Variants in SCHIP1 observed in about 807,000 individuals in gnomAD.
SCHIP1 encodes schwannomin interacting protein 1.
SCHIP1 carries 8 observed loss-of-function variants against 29.7 expected under a neutral mutation model. That is an observed-to-expected ratio of 0.27 (90% CI 0.16 to 0.49). The LOEUF (loss-of-function observed/expected upper bound fraction) is 0.49. Ranked by LOEUF, SCHIP1 falls within the 20% of genes least tolerant of loss-of-function variation. The pLI is 0.99. For missense variants in SCHIP1, 193 were observed against 294.6 expected (o/e 0.66, Z 2.52); for synonymous variants, 76 against 94.9 (o/e 0.80, Z 1.16).
the SCHIP1 span, among the ~76,000 whole-genome samples, chr3:159,427,430 T>C: frequency 6.6e-6 from 1 of 150,852 alleles, no homozygotes; most frequent in Non-Finnish European, 1.5e-5. Context: ...AAATCATGAG[T>C]GAACTCCCAT....
the SCHIP1 span, chr3:159,274,635 A>T: frequency 1.2e-6 from 1 of 826,056 alleles, no homozygotes; most frequent in Admixed American, 6.2e-5. Flanking sequence ...ATATTATTAT[A>T]TGACACAACC....
the SCHIP1 span, among the ~76,000 whole-genome samples, chr3:159,395,405 T>A: frequency 1.3e-5 from 2 of 152,190 alleles, no homozygotes; most frequent in South Asian, 4.1e-4. Flanking sequence ...CTTTTAATTG[T>A]GATGTTAGGG....
chr3:159,711,085 A>C, the SCHIP1 span, among the ~76,000 whole-genome samples: 1 of 152,194 alleles, frequency 6.6e-6, no homozygotes, highest in Admixed American at 6.5e-5. Flanking sequence ...TTCATTGTTC[A>C]GTAAAAACAG....
chr3:159,273,971 C>G, the SCHIP1 span: 2 of 1,550,004 alleles, frequency 1.3e-6, no homozygotes, highest in Non-Finnish European at 1.7e-6. Flanking sequence ...AACTAAGTAA[C>G]TTTAAATTTA....
At chr3:159,387,356 G>C in the SCHIP1 span, 1 of 386,858 alleles carries the variant, frequency 2.6e-6, no homozygotes, top group Non-Finnish European at 5.1e-6. Flanking sequence ...AGAAGAGATA[G>C]ATCTCTTCCA....
the SCHIP1 span, among the ~76,000 whole-genome samples, chr3:159,399,482 A>G: frequency 6.6e-6 from 1 of 152,244 alleles, no homozygotes; most frequent in African/African-American, 2.4e-5. Context: ...TGAGTTCTCA[A>G]TAAATATTTG....
At chr3:159,806,166 T>C in the SCHIP1 span, among the ~76,000 whole-genome samples, 1 of 151,952 alleles carries the variant, frequency 6.6e-6, no homozygotes, top group Non-Finnish European at 1.5e-5. Context: ...CTGCATGTTA[T>C]ACGAATGGGA....
At chr3:159,711,945 C>T in the SCHIP1 span, among the ~76,000 whole-genome samples, 1 of 147,762 alleles carries the variant, frequency 6.8e-6, no homozygotes, top group Non-Finnish European at 1.5e-5. Context: ...GAAGATATTG[C>T]TGCTGCTGCT....
At chr3:159,346,164 G>A in the SCHIP1 span, among the ~76,000 whole-genome samples, 1 of 150,368 alleles carries the variant, frequency 6.7e-6, no homozygotes, top group African/African-American at 2.5e-5. Flanking sequence ...CTCCAGCCTG[G>A]GCAAGAGAAT....
At chr3:159,501,548 T>C in the SCHIP1 span, among the ~76,000 whole-genome samples, 1 of 152,220 alleles carries the variant, frequency 6.6e-6, no homozygotes, top group Non-Finnish European at 1.5e-5. Context: ...TATGTGTTAA[T>C]AACTCACATG....
At chr3:159,430,380 T>C in the SCHIP1 span, among the ~76,000 whole-genome samples, 1 of 152,156 alleles carries the variant, frequency 6.6e-6, no homozygotes, top group Non-Finnish European at 1.5e-5. Flanking sequence ...AACCTACCTT[T>C]TTAAAATCAG....
chr3:159,738,181 G>A, the SCHIP1 span, among the ~76,000 whole-genome samples: 2 of 151,286 alleles, frequency 1.3e-5, no homozygotes, highest in Non-Finnish European at 2.9e-5. Context: ...CATTTTGTAG[G>A]TATTTTTCTG....
intron 2 of SCHIP1, among the ~76,000 whole-genome samples, chr3:159,876,457 G>A (rs925475773): frequency 6.6e-6 from 1 of 152,172 alleles, no homozygotes; most frequent in African/African-American, 2.4e-5. Context: ...ACTTCATGGG[G>A]TTACTGTGAG....
chr3:159,825,329 T>G, the SCHIP1 span, among the ~76,000 whole-genome samples: 4 of 152,188 alleles, frequency 2.6e-5, no homozygotes, highest in African/African-American at 9.7e-5. Context: ...GGCAGAGTCA[T>G]CCATGTCCCT....
chr3:159,369,003 G>A, the SCHIP1 span, among the ~76,000 whole-genome samples: 3 of 152,150 alleles, frequency 2.0e-5, no homozygotes, highest in East Asian at 1.9e-4. Context: ...TTGGGTACCC[G>A]GTGCTTTTGG....
the SCHIP1 span, among the ~76,000 whole-genome samples, chr3:159,672,236 G>A: frequency 1.9e-3 from 286 of 152,322 alleles, 1 homozygote; most frequent in African/African-American, 6.6e-3. Context: ...AATCAAATGA[G>A]CACATGAGTA....
intron 2 of SCHIP1, among the ~76,000 whole-genome samples, chr3:159,867,814 G>A (rs1357880479): frequency 1.3e-5 from 2 of 151,884 alleles, no homozygotes; most frequent in African/African-American, 4.8e-5. Context: ...TCATTTTTGT[G>A]AAATGAGAGC....
chr3:159,605,757 G>A, the SCHIP1 span, among the ~76,000 whole-genome samples: 2 of 152,130 alleles, frequency 1.3e-5, no homozygotes, highest in African/African-American at 2.4e-5. Flanking sequence ...CTTTAATTGA[G>A]GATAACAATT....
chr3:159,748,400 G>C, the SCHIP1 span, among the ~76,000 whole-genome samples: 13 of 152,320 alleles, frequency 8.5e-5, no homozygotes, highest in South Asian at 8.3e-4. Flanking sequence ...ATTTAAAAAT[G>C]AGTTGATTCA....
Sources: gnomAD v4.1 joint callset for allele counts (sites outside exome capture counted in the v4.1 genomes callset) on GRCh38, gnomAD v4.1.1 for gene constraint, MANE v1.5 for transcripts, NCBI Gene and HGNC (gene_info 2026-07-23, HGNC 2026-07-21) for gene names.